CLEC16A: variants seen among roughly 807,000 people sequenced by gnomAD.
The protein encoded by CLEC16A is C-type lectin domain containing 16A, also known as protein CLEC16A.
Under a neutral mutation model 109.5 loss-of-function variants are expected in CLEC16A, and 51 were observed. That is an observed-to-expected ratio of 0.47 (90% CI 0.37 to 0.59). The LOEUF (loss-of-function observed/expected upper bound fraction) is 0.59, where lower values mean the gene tolerates loss of function less well. Ranked by LOEUF, CLEC16A falls within the 20% of genes least tolerant of loss-of-function variation. The probability of loss-of-function intolerance (pLI) is 0.00; values close to 1 mark genes in which losing one functional copy is unlikely to be tolerated. For synonymous variants in CLEC16A, 673 were observed against 564.2 expected, an observed-to-expected ratio of 1.19 and a Z score of -2.73; for missense variants, 1,339 against 1,394.0, an observed-to-expected ratio of 0.96 and a Z score of 0.63.
Position 11,120,501 on chromosome 16 carries a change from C to T in CLEC16A, c.2117-114C>T, listed in dbSNP as rs979881187. 4 of 1,140,252 alleles carry T rather than the reference C, an allele frequency of 3.5e-6. No homozygotes were observed. In the Admixed American group the frequency reaches 1.2e-4, roughly 34 times the overall value. 70.6% of individuals were successfully genotyped at this position (1,140,252 alleles called of 1,614,324 possible). A position where few individuals can be genotyped will look rare whatever the true frequency, so the allele number is the denominator to read the frequency against. ...GACCTAGGTCTGTGTGACTCTAGGC[C>T]TGGGCTCTAACCACTGAGCTCTGCT... On this transcript the variant is annotated intron_variant, in intron 19 of 23. Transcript: ENST00000409790.
intron 13 of CLEC16A, among the ~76,000 whole-genome samples, chr16:11,032,079 C>T (rs181850757): frequency 6.6e-6 from 1 of 152,274 alleles, no homozygotes; most frequent in Admixed American, 6.5e-5. Context: ...GGGTCACTTG[C>T]CTGGTGGTGA....
At chr16:11,125,533 C>T (rs2052742353) in intron 21 of CLEC16A, among the ~76,000 whole-genome samples, 1 of 152,206 alleles carries the variant, frequency 6.6e-6, no homozygotes, top group African/African-American at 2.4e-5. Context: ...CATGTACATG[C>T]ACATCCATAT....
chr16:10,982,436 G>A (rs1462761658), intron 9 of CLEC16A, among the ~76,000 whole-genome samples: 2 of 152,200 alleles, frequency 1.3e-5, no homozygotes, highest in African/African-American at 4.8e-5. Context: ...CCAAGTCCTT[G>A]ATTGGAACAA....
chr16:11,129,346 A>G (rs1366318249), intron 22 of CLEC16A, among the ~76,000 whole-genome samples: 1 of 152,202 alleles, frequency 6.6e-6, no homozygotes, highest in Non-Finnish European at 1.5e-5. Flanking sequence ...TCTGTTTTCC[A>G]AAACATAGAA....
intron 22 of CLEC16A, among the ~76,000 whole-genome samples, chr16:11,159,393 A>G (rs368714134): frequency 3.3e-5 from 5 of 152,190 alleles, no homozygotes; most frequent in South Asian, 2.1e-4. Flanking sequence ...TCCTCATTAC[A>G]TTACCGGGCT....
intron 13 of CLEC16A, 123 bp from the exon 14 acceptor site, chr16:11,039,626 GGAAAA>G (rs1160806910): frequency 1.7e-6 from 2 of 1,144,766 alleles, no homozygotes; most frequent in Non-Finnish European, 2.4e-6. Context: ...AAAAGAAAAA[GGAAAA>G]GAAATCACCA....
In CLEC16A at chr16:11,178,185, G is replaced by A. The variant is rs115741520; in HGVS notation, c.2807-150G>A. The A allele has an allele frequency of 4.6e-3, 3,030 of 653,162 alleles. 72 individuals are homozygous for A. The African/African-American group carries it at 0.049, about 11-fold the overall frequency. The allele number at this position is 653,162 out of a possible 1,614,324, so 40.5% of individuals were successfully genotyped here. Reference sequence around the variant, plus strand: ...TTTGCAGGTTCTGTGTCCCCAAAAGGAGTGAGTGGAGCCACGCTGAGCCCT... The same window carrying A: ...TTTGCAGGTTCTGTGTCCCCAAAAGAAGTGAGTGGAGCCACGCTGAGCCCT... On this transcript the variant is annotated intron_variant, in intron 23 of 23. Transcript: ENST00000409790. This position sits in a 1 kb window ranked among gnomAD's most constrained non-coding sequence, Gnocchi z 6.5.
At chr16:11,157,768 C>T (rs2054587736) in intron 22 of CLEC16A, among the ~76,000 whole-genome samples, 1 of 152,212 alleles carries the variant, frequency 6.6e-6, no homozygotes, top group Non-Finnish European at 1.5e-5. Flanking sequence ...CCTCAGCCCC[C>T]AACACGTGCT....
At position 11,065,126 on chromosome 16, in the gene CLEC16A, A is replaced by G. The variant is rs918033538; in HGVS notation, c.2116+4104A>G. Among the ~76,000 whole-genome samples, 3 of 152,152 alleles carry G rather than the reference A, an allele frequency of 2.0e-5. No individual in the cohort carries two copies. In the East Asian group the frequency reaches 5.8e-4, roughly 29 times the overall value. ...CCCGTCTAGGCTGTGAGACTCACTCACTCCAGTGTGCCTCCTGAACAGGGA... is the reference window on the plus strand; with the variant it reads ...CCCGTCTAGGCTGTGAGACTCACTCGCTCCAGTGTGCCTCCTGAACAGGGA... On this transcript the variant is annotated intron_variant, in intron 19 of 23. Coordinates refer to ENST00000409790, the MANE Select transcript of CLEC16A (RefSeq NM_015226.3).
chr16:11,018,488 G>A (rs759370939), intron 11 of CLEC16A, among the ~76,000 whole-genome samples: 2 of 151,824 alleles, frequency 1.3e-5, no homozygotes, highest in African/African-American at 2.4e-5. Context: ...GGTAGCTCAC[G>A]CCTGTAATCC....
At chr16:11,001,630 T>A (rs1376679706) in intron 10 of CLEC16A, among the ~76,000 whole-genome samples, 1 of 152,154 alleles carries the variant, frequency 6.6e-6, no homozygotes, top group African/African-American at 2.4e-5. Context: ...GACTGAGATA[T>A]ACTAATATGA....
intron 22 of CLEC16A, among the ~76,000 whole-genome samples, chr16:11,157,690 GC>G (rs1597595185): frequency 6.6e-6 from 1 of 151,176 alleles, no homozygotes; most frequent in East Asian, 1.9e-4. Context: ...GGAGTCCCGG[GC>G]AAGGACCCAG....
chr16:11,096,729 A>G (rs976960027), intron 19 of CLEC16A, among the ~76,000 whole-genome samples: 6 of 152,164 alleles, frequency 3.9e-5, no homozygotes, highest in Non-Finnish European at 7.3e-5. Flanking sequence ...TCTCATCAAG[A>G]CTTTTCCAGA....
intron 2 of CLEC16A, among the ~76,000 whole-genome samples, chr16:10,958,872 C>G (rs2042117870): frequency 6.6e-6 from 1 of 152,082 alleles, no homozygotes. Context: ...CCACTGCACT[C>G]CAGCCTGGGT....
chr16:10,982,062 C>T (rs1357197669), intron 9 of CLEC16A, among the ~76,000 whole-genome samples: 1 of 152,360 alleles, frequency 6.6e-6, no homozygotes, highest in Non-Finnish European at 1.5e-5. Flanking sequence ...TACAAACATG[C>T]ACACGCTTTT....
At chr16:11,170,827 G>T (rs2068479437) in intron 23 of CLEC16A, among the ~76,000 whole-genome samples, 2 of 152,236 alleles carry the variant, frequency 1.3e-5, no homozygotes, top group Admixed American at 1.3e-4. Flanking sequence ...TGGCCACCCA[G>T]AGGCATGTGC....
At chr16:11,024,777 C>T (rs200787686) in intron 12 of CLEC16A, 44 bp from the exon 13 acceptor site, 42 of 1,466,998 alleles carry the variant, frequency 2.9e-5, no homozygotes, top group East Asian at 7.3e-5. Flanking sequence ...AGGTGTTCAC[C>T]CTTGTGCACC....
intron 2 of CLEC16A, among the ~76,000 whole-genome samples, chr16:10,958,903 CA>C (rs956818398): frequency 9.1e-4 from 133 of 146,606 alleles, no homozygotes; most frequent in African/African-American, 2.9e-3. Flanking sequence ...GACCATGTCT[CA>C]AAAAAAAAAT....
intron 21 of CLEC16A, among the ~76,000 whole-genome samples, chr16:11,125,707 C>G (rs565004373): frequency 2.0e-5 from 3 of 152,346 alleles, no homozygotes; most frequent in South Asian, 2.1e-4. Flanking sequence ...AGCTTCCATT[C>G]CACTCGAGGA....
Sources: allele counts gnomAD v4.1 joint callset (sites outside exome capture counted in the v4.1 genomes callset), GRCh38; gene constraint gnomAD v4.1.1; non-coding constraint Gnocchi (gnomAD v3.1); transcripts MANE v1.5; gene names NCBI Gene and HGNC (gene_info 2026-07-23, HGNC 2026-07-21).